The following MYH14 variants were observed in gnomAD, a reference collection of about 807,000 sequenced individuals.
MYH14 encodes myosin heavy chain 14.
A neutral mutation model predicts 255.5 loss-of-function variants in MYH14; 123 were observed. The ratio of observed to expected loss-of-function variants is 0.48; its 90% CI spans 0.42 to 0.56. The LOEUF (loss-of-function observed/expected upper bound fraction) is 0.56. Among genes scored for constraint, MYH14 ranks in the 20% least tolerant of loss-of-function variants. The probability of loss-of-function intolerance (pLI) is 0.00; values close to 1 mark genes in which losing one functional copy is unlikely to be tolerated. For synonymous variants in MYH14, 1,095 were observed against 1,161.2 expected (o/e 0.94, Z 1.16); for missense variants, 2,423 against 2,802.3 (o/e 0.86, Z 3.06).
Position 50,263,289 on chromosome 19 carries a change from C to G in MYH14, c.2586-23C>G, listed in dbSNP as rs761480033. On this transcript the variant is annotated intron_variant, in intron 21 of 42. Transcript: ENST00000642316. ...TGGCGCCTGGAGGCTCCCACTCTGC[C>G]CCTCACCCATTTCCCCACCCAGGGC... is the stretch of plus-strand genomic sequence containing the variant. 33 of 1,491,908 alleles carry G rather than the reference C, an allele frequency of 2.2e-5. No homozygotes were observed. The Admixed American group carries it at 3.2e-4, about 15-fold the overall frequency. The allele number at this position is 1,491,908 out of a possible 1,614,324, so 92.4% of individuals were successfully genotyped here.
chr19:50,268,640 G>T (rs1406766922), intron 24 of MYH14, among the ~76,000 whole-genome samples: 1 of 152,210 alleles, frequency 6.6e-6, no homozygotes, highest in African/African-American at 2.4e-5. Context: ...TCAGCTTCAG[G>T]CATGGCTGGA....
At chr19:50,260,761 G>GCA (rs1555768381) in intron 20 of MYH14, 46 bp downstream of exon 20, 14 of 1,332,552 alleles carry the variant, frequency 1.1e-5, no homozygotes, top group Middle Eastern at 1.8e-4. Flanking sequence ...GTGTGTGTGT[G>GCA]CGTGCATGAG....
Position 50,280,149 on chromosome 19 carries a change from T to G in MYH14, c.4137+8T>G, listed in dbSNP as rs367802301. The G allele has an allele frequency of 5.7e-6, 9 of 1,589,254 alleles. No individual in the cohort carries two copies. Among genetic ancestry groups the G allele is most frequent in the Middle Eastern group, 1.7e-4 (1 of 6,040 alleles). On this transcript the variant is annotated splice_region_variant and intron_variant, in intron 31 of 42. Coordinates refer to ENST00000642316, the MANE Select transcript of MYH14 (RefSeq NM_001145809.2). The surrounding 1 kb of genome is among the most constrained non-coding windows in gnomAD (Gnocchi z 4.8). ...CAGCTGCACGATGCCCAGGTGACCC[T>G]GCCTGCCCTTCGGCTCCACCGTCAC...
intron 12 of MYH14, 50 bp downstream of exon 12, chr19:50,247,172 C>A: frequency 1.5e-6 from 2 of 1,316,712 alleles, no homozygotes; most frequent in Non-Finnish European, 2.2e-6. Flanking sequence ...CGCACCCCGG[C>A]CCTGGGTCTT....
At position 50,280,605 on chromosome 19, in the gene MYH14, A is replaced by G. The variant is rs1035945828; in HGVS notation, c.4290+222A>G. ...TCATCCCTTGTCCCAGCTCCAGCTC[A>G]GCCCCAGCTCCAGTGCCGTCCTCTC... On this transcript the variant is annotated intron_variant, in intron 32 of 42. Transcript: ENST00000642316. This position sits in a 1 kb window ranked among gnomAD's most constrained non-coding sequence, Gnocchi z 4.8. Among the ~76,000 whole-genome samples, 12 of 151,930 alleles carry G rather than the reference A, an allele frequency of 7.9e-5. No individual in the cohort carries two copies. Among genetic ancestry groups the G allele is most frequent in the Admixed American group, 7.2e-4 (11 of 15,250 alleles).
chr19:50,210,869 T>C, intron 2 of MYH14, 99 bp downstream of exon 2: 1 of 1,495,178 alleles, frequency 6.7e-7, no homozygotes, highest in Non-Finnish European at 8.9e-7. Flanking sequence ...TGAGGCTGTT[T>C]ATCATCTGTA....
At chr19:50,300,143 T>C (rs868261049) in intron 39 of MYH14, among the ~76,000 whole-genome samples, 3 of 152,110 alleles carry the variant, frequency 2.0e-5, no homozygotes, top group Non-Finnish European at 4.4e-5. Context: ...TTAGGAGTAG[T>C]GCATGAAAGG....
intron 1 of MYH14, 91 bp from the exon 2 acceptor site, chr19:50,210,272 G>C: frequency 8.0e-7 from 1 of 1,245,234 alleles, no homozygotes; most frequent in Non-Finnish European, 1.1e-6. Flanking sequence ...AAGGAAGGCA[G>C]AGGTGGCTGC....
Position 50,292,305 on chromosome 19 carries a change from C to T in MYH14, c.5172C>T (p.Thr1724=), listed in dbSNP as rs1226739177. The T allele has an allele frequency of 1.9e-6, 3 of 1,599,140 alleles. No homozygotes were observed. Among genetic ancestry groups the T allele is most frequent in the Non-Finnish European group, 2.6e-6 (3 of 1,173,554 alleles). ...GGCGGGAGGTGGAGGAGACACGCAC[C>T]TCCCGGGAGGAGATCTTCTCCCAGA... The part of the protein sequence containing the change: ...ELWREVEETR[T]SREEIFSQNR... Residue 1724 remains threonine, a synonymous_variant, in exon 37 of 43, where the codon ACC becomes ACT. Coordinates refer to ENST00000642316, the MANE Select transcript of MYH14 (RefSeq NM_001145809.2).
intron 10 of MYH14, among the ~76,000 whole-genome samples, chr19:50,237,665 G>T (rs555907546): frequency 1.3e-5 from 2 of 152,202 alleles, no homozygotes; most frequent in African/African-American, 4.8e-5. Flanking sequence ...CTACCTCGTC[G>T]CTGTCCACAG....
intron 4 of MYH14, 37 bp from the exon 5 acceptor site, chr19:50,223,210 T>C (rs1359446508): frequency 3.1e-6 from 5 of 1,610,272 alleles, no homozygotes; most frequent in African/African-American, 1.3e-5. Flanking sequence ...CCTGAGGTCA[T>C]TGCCAACCCC....
rs759502432 is a variant in MYH14, at chr19:50,249,026, G to A, written c.1369G>A (p.Glu457Lys). ...GGAGGCCCTGGCCAAGGCCACCTAC[G>A]AGCGCCTCTTCCGCTGGCTGGTTCT... Reference protein sequence around the residue: ...ALEALAKATYERLFRWLVLRL... With the variant: ...ALEALAKATYKRLFRWLVLRL... Residue 457 changes from glutamate to lysine, a missense_variant, in exon 13 of 43, where the codon GAG becomes AAG. Glu to Lys is a moderately conservative substitution (Grantham distance 56). Coordinates refer to ENST00000642316, the MANE Select transcript of MYH14 (RefSeq NM_001145809.2). 1.1e-5 allele frequency: 18 copies of A among 1,613,462 alleles called. No individual in the cohort carries two copies. Among genetic ancestry groups the A allele is most frequent in the African/African-American group, 4.0e-5 (3 of 74,938 alleles).
chr19:50,228,818 C>A (rs1020721253), intron 8 of MYH14, among the ~76,000 whole-genome samples: 22 of 152,230 alleles, frequency 1.4e-4, no homozygotes, highest in African/African-American at 5.3e-4. Flanking sequence ...CAGCTGTGGT[C>A]CCGGCTGTCT....
chr19:50,304,527 T>G (rs1006158126), intron 40 of MYH14, among the ~76,000 whole-genome samples: 6 of 150,926 alleles, frequency 4.0e-5, no homozygotes, highest in Admixed American at 4.0e-4. Context: ...GAAGTGGAGG[T>G]TGCAGTGAGC....
chr19:50,281,458 G>T, intron 32 of MYH14, 136 bp from the exon 33 acceptor site: 1 of 1,298,106 alleles, frequency 7.7e-7, no homozygotes. Context: ...CCACTCAGAG[G>T]CAGAAGAGCC....
Position 50,291,048 on chromosome 19 carries a change from G to T in MYH14, c.5127G>T (p.Gln1709His). Reference protein sequence around the residue: ...EEAVKQLRKMQAQMKELWREV... With the variant: ...EEAVKQLRKMHAQMKELWREV... Reference sequence around the variant, plus strand: ...CGGTGAAGCAGCTTCGCAAGATGCAGGTAAGAGCCGGCGTGAGCTGCAGGG... The same window carrying T: ...CGGTGAAGCAGCTTCGCAAGATGCATGTAAGAGCCGGCGTGAGCTGCAGGG... The change falls in exon 36 of 43, where the codon CAG becomes CAT. Residue 1709 changes from glutamine (Q) to histidine (H), a missense_variant and splice_region_variant. Transcript: ENST00000642316. 1.2e-6 allele frequency: 2 copies of T among 1,612,674 alleles called. No individual in the cohort carries two copies. Among genetic ancestry groups the T allele is most frequent in the Non-Finnish European group, 1.7e-6 (2 of 1,179,508 alleles).
In MYH14 at chr19:50,230,857, A is replaced by G. The variant is rs1446009871; in HGVS notation, c.973+234A>G. On this transcript the variant is annotated intron_variant, in intron 9 of 42. Coordinates refer to ENST00000642316, the MANE Select transcript of MYH14 (RefSeq NM_001145809.2). This position sits in a 1 kb window ranked among gnomAD's most constrained non-coding sequence, Gnocchi z 4.7. The stretch of plus-strand genomic sequence containing the variant: ...CCGGGTCTGGCTCGCGCCCGCTGTC[A>G]CGGCCACGCAGCCCCCGCCGCCTGG... 2.0e-6 allele frequency: 1 copy of G among 511,902 alleles called. No homozygotes were observed. Among genetic ancestry groups the G allele is most frequent in the African/African-American group, 1.9e-5 (1 of 51,774 alleles). The allele number at this position is 511,902 out of a possible 1,614,324, so 31.7% of individuals were successfully genotyped here.
At chr19:50,240,818 CAAAA>C (rs111510411) in intron 10 of MYH14, among the ~76,000 whole-genome samples, 1 of 151,712 alleles carries the variant, frequency 6.6e-6, no homozygotes, top group African/African-American at 2.4e-5. Flanking sequence ...GAAAAACAAA[CAAAA>C]AAACCCAAAA....
chr19:50,217,963 C>T (rs971602793), intron 3 of MYH14, among the ~76,000 whole-genome samples, 192 bp downstream of exon 3: 1 of 152,168 alleles, frequency 6.6e-6, no homozygotes, highest in Non-Finnish European at 1.5e-5. Context: ...GTCTTTTTAC[C>T]TGTCTCCATG....
Sources: allele counts gnomAD v4.1 joint callset (sites outside exome capture counted in the v4.1 genomes callset), GRCh38; gene constraint gnomAD v4.1.1; non-coding constraint Gnocchi (gnomAD v3.1); transcripts MANE v1.5; gene names NCBI Gene and HGNC (gene_info 2026-07-23, HGNC 2026-07-21).